SF3A3: variants seen among roughly 807,000 people sequenced by gnomAD.
The protein encoded by SF3A3 is splicing factor 3a subunit 3.
SF3A3 carries 9 observed loss-of-function variants against 85.8 expected under a neutral mutation model. The observed-to-expected ratio is 0.10, with a 90% CI of 0.06 to 0.18. The LOEUF (loss-of-function observed/expected upper bound fraction) is 0.18, where lower values mean the gene tolerates loss of function less well. SF3A3 is among the 10% of genes least tolerant of loss of function. SF3A3 has a pLI of 1.00. For missense variants in SF3A3, 306 were observed against 593.3 expected (o/e 0.52, Z 5.03); for synonymous variants, 195 against 204.4 (o/e 0.95, Z 0.39).
In SF3A3 at chr1:37,979,461, A is replaced by C. The variant is rs370025523; in HGVS notation, c.759+4T>G. ...GAACACTACTACTGCTGAAGGAAAC[A>C]TACCTCCCAGGAGGAGAATGCAGAG... On this transcript the variant is annotated splice_donor_region_variant and intron_variant, in intron 9 of 16. Coordinates refer to ENST00000373019, the MANE Select transcript of SF3A3 (RefSeq NM_006802.4). The C allele has an allele frequency of 6.2e-7, 1 of 1,607,512 alleles. No homozygotes were observed. Among genetic ancestry groups the C allele is most frequent in the East Asian group, 2.2e-5 (1 of 44,782 alleles).
At chr1:37,965,428 C>A (rs1646292580) in intron 15 of SF3A3, among the ~76,000 whole-genome samples, 1 of 152,192 alleles carries the variant, frequency 6.6e-6, no homozygotes, top group South Asian at 2.1e-4. Context: ...AAGAGATAAT[C>A]TCTGTCAATA....
At position 37,989,556 on chromosome 1, in the gene SF3A3, T is replaced by C. The variant is rs750997332; in HGVS notation, c.136A>G (p.Met46Val). The C allele has an allele frequency of 6.2e-7, 1 of 1,613,802 alleles. No homozygotes were observed. Among genetic ancestry groups the C allele is most frequent in the Non-Finnish European group, 8.5e-7 (1 of 1,179,970 alleles). ...GACAGCTGGGCACTCACATCTTGCATGGCCCGAGTGCGGTGATCAGAATTG... is the reference window on the plus strand; with the variant it reads ...GACAGCTGGGCACTCACATCTTGCACGGCCCGAGTGCGGTGATCAGAATTG... ...QINSDHRTRA[M>V]QDRYMEVSGN... The change falls in exon 2 of 17, where the codon ATG (methionine) becomes GTG (valine). Residue 46 changes from methionine to valine, a missense_variant. Coordinates refer to ENST00000373019, the MANE Select transcript of SF3A3 (RefSeq NM_006802.4).
intron 6 of SF3A3, among the ~76,000 whole-genome samples, chr1:37,982,459 C>T (rs1484089988): frequency 1.3e-5 from 2 of 152,018 alleles, no homozygotes; most frequent in Non-Finnish European, 2.9e-5. Context: ...CAACCTCCAC[C>T]TCATGGGTTC....
intron 2 of SF3A3, among the ~76,000 whole-genome samples, chr1:37,988,392 A>G (rs1158634777): frequency 6.6e-6 from 1 of 152,182 alleles, no homozygotes; most frequent in Non-Finnish European, 1.5e-5. Flanking sequence ...ATCATATATT[A>G]TGTAACATCC....
intron 11 of SF3A3, 122 bp from the exon 12 acceptor site, chr1:37,977,075 G>A: frequency 1.4e-6 from 1 of 714,888 alleles, no homozygotes; most frequent in Admixed American, 2.2e-5. Context: ...GAAATACGAT[G>A]CTATGAAAGC....
intron 12 of SF3A3, 60 bp from the exon 13 acceptor site, chr1:37,969,795 T>C (rs962476837): frequency 1.0e-5 from 16 of 1,557,876 alleles, no homozygotes; most frequent in Non-Finnish European, 1.3e-5. Flanking sequence ...GAAGGGAAAT[T>C]TCCTGTTTTC....
At chr1:37,963,997 G>A (rs867803785) in intron 15 of SF3A3, among the ~76,000 whole-genome samples, 1 of 151,132 alleles carries the variant, frequency 6.6e-6, no homozygotes. Context: ...TGGCCAGCAT[G>A]GTGAAACCCC....
intron 12 of SF3A3, among the ~76,000 whole-genome samples, chr1:37,974,120 T>C (rs1418629498): frequency 2.0e-5 from 3 of 151,942 alleles, no homozygotes; most frequent in Non-Finnish European, 4.4e-5. Flanking sequence ...TTAGGAGATA[T>C]ACCTAATGTA....
chr1:37,967,364 T>C (rs1418600157), intron 15 of SF3A3, among the ~76,000 whole-genome samples: 1 of 150,910 alleles, frequency 6.6e-6, no homozygotes, highest in African/African-American at 2.4e-5. Flanking sequence ...GCTCACACAG[T>C]GAAACCCCGT....
At chr1:37,971,787 C>A (rs961166305) in intron 12 of SF3A3, among the ~76,000 whole-genome samples, 11 of 152,106 alleles carry the variant, frequency 7.2e-5, no homozygotes, top group Admixed American at 6.6e-4. Context: ...GCAGAAAAGG[C>A]CTTTGACAAA....
At position 37,990,007 on chromosome 1, in the gene SF3A3, G is replaced by C. The variant is rs1036597743; in HGVS notation, c.-42C>G. ...CTTCTCAATTCAGACCACCAACACG[G>C]CCGGAAGCAACTCCTGCCGCCCAGC... On this transcript the variant is annotated 5_prime_UTR_variant, in exon 1 of 17. Transcript: ENST00000373019. 1 of 1,480,224 alleles carries C rather than the reference G, an allele frequency of 6.8e-7. No homozygotes were observed. Among genetic ancestry groups the C allele is most frequent in the Non-Finnish European group, 9.4e-7 (1 of 1,068,058 alleles). 91.7% of individuals were successfully genotyped at this position (1,480,224 alleles called of 1,614,324 possible).
rs539435862 is a variant in SF3A3 at position 37,986,037 on chromosome 1, G to A, written c.304-1258C>T. Among the ~76,000 whole-genome samples the A allele has an allele frequency of 2.2e-4, 31 of 143,710 alleles. 1 individual carries two copies. The South Asian group carries it at 6.2e-3, about 29-fold the overall frequency. 94.3% of individuals were successfully genotyped at this position (143,710 alleles called of 152,430 possible). A position where few individuals can be genotyped will look rare whatever the true frequency, so the allele number is the denominator to read the frequency against. On this transcript the variant is annotated intron_variant, in intron 4 of 16. Coordinates refer to ENST00000373019, the MANE Select transcript of SF3A3 (RefSeq NM_006802.4). ...GATCTCAGCTCACTGCAACCTCCAT[G>A]TCCTGGGTTCAAGCGATTCTCCTGT... is the stretch of plus-strand genomic sequence containing the variant.
chr1:37,984,715 TCTTCA>T lies in SF3A3; in HGVS notation c.363_367del (p.Ser121ArgfsTer11). ...TTTTCACCCCTACTTACTTTGTGCC[TCTTCA>T]CTTGGATTCTCTCGAGCCTTCAGGA... On this transcript the variant is annotated frameshift_variant, in exon 5 of 17. Coordinates refer to ENST00000373019, the MANE Select transcript of SF3A3 (RefSeq NM_006802.4). LOFTEE classifies it high-confidence loss of function. 6.2e-7 allele frequency: 1 copy of T among 1,612,582 alleles called. No homozygotes were observed. The highest frequency in any genetic ancestry group is 8.5e-7 in the Non-Finnish European group (1 of 1,178,552).
chr1:37,980,481 C>T, intron 8 of SF3A3, 105 bp downstream of exon 8: 1 of 1,213,096 alleles, frequency 8.2e-7, no homozygotes, highest in Admixed American at 2.2e-5. Context: ...ACAAGTGATA[C>T]CAAGGAATTG....
intron 16 of SF3A3, 138 bp downstream of exon 16, chr1:37,959,982 A>C: frequency 1.6e-6 from 1 of 619,822 alleles, no homozygotes; most frequent in South Asian, 2.3e-5. Context: ...AAAAAAAGGA[A>C]AAGTCAATTT....
At chr1:37,967,126 CATG>C (rs1646307011) in intron 15 of SF3A3, among the ~76,000 whole-genome samples, 5 of 12,940 alleles carry the variant, frequency 3.9e-4, no homozygotes, top group East Asian at 7.7e-3. Flanking sequence ...CATGGTGGCA[CATG>C]CCTGTAATCC....
At chr1:37,962,924 A>G (rs1646272226) in intron 15 of SF3A3, among the ~76,000 whole-genome samples, 1 of 151,818 alleles carries the variant, frequency 6.6e-6, no homozygotes, top group African/African-American at 2.4e-5. Context: ...CACCTCTACT[A>G]AAACACACAA....
At chr1:37,971,377 C>CA (rs928197675) in intron 12 of SF3A3, among the ~76,000 whole-genome samples, 15 of 151,702 alleles carry the variant, frequency 9.9e-5, no homozygotes, top group Non-Finnish European at 1.8e-4. Flanking sequence ...GCCTACCAAC[C>CA]AAAAAAAAGT....
Position 37,969,691 on chromosome 1 carries a change from G to A in SF3A3, c.1050C>T (p.Ala350=). The change falls in exon 13 of 17, where the codon GCC becomes GCT. Residue 350 remains alanine, a synonymous_variant. Coordinates refer to ENST00000373019, the MANE Select transcript of SF3A3 (RefSeq NM_006802.4). Reference sequence around the variant, plus strand: ...CTTCTTCTCGCTCTTCTCCTGTCCTGGCTTGCTTGCGCTGTACATTTTCAT... The same window carrying A: ...CTTCTTCTCGCTCTTCTCCTGTCCTAGCTTGCTTGCGCTGTACATTTTCAT... ...LTHENVQRKQ[A]RTGEEREEEE... The A allele has an allele frequency of 6.2e-7, 1 of 1,614,100 alleles. No homozygotes were observed. Among genetic ancestry groups the A allele is most frequent in the South Asian group, 1.1e-5 (1 of 91,080 alleles).
Sources: allele counts gnomAD v4.1 joint callset (sites outside exome capture counted in the v4.1 genomes callset), GRCh38; gene constraint gnomAD v4.1.1; transcripts MANE v1.5; gene names NCBI Gene and HGNC (gene_info 2026-07-23, HGNC 2026-07-21).